Variants in ACSL4 observed in about 807,000 individuals in gnomAD.
ACSL4 encodes acyl-CoA synthetase long chain family member 4.
In ACSL4, 9 loss-of-function variants were observed where a neutral mutation model predicts 49.1. That is an observed-to-expected ratio of 0.18 (90% CI 0.11 to 0.32). ACSL4 has a LOEUF of 0.32. Among genes scored for constraint, ACSL4 ranks in the 10% least tolerant of loss-of-function variants. The pLI is 1.00. For synonymous variants in ACSL4, 191 were observed against 170.3 expected (o/e 1.12, Z -0.95); for missense variants, 333 against 493.7 (o/e 0.67, Z 3.08).
intron 1 of ACSL4, among the ~76,000 whole-genome samples, chrX:109,722,920 T>C (rs1927674193): frequency 8.9e-6 from 1 of 111,909 alleles, no homozygotes; most frequent in Admixed American, 9.6e-5. Context: ...TGTGTGCACA[T>C]GTGCATGCAA....
At chrX:109,674,021 C>T (rs778049570) in intron 9 of ACSL4, among the ~76,000 whole-genome samples, 60 of 111,540 alleles carry the variant, frequency 5.4e-4, no homozygotes, top group Middle Eastern at 4.6e-3. Context: ...ACCTTGTATA[C>T]GATTCTTCAG....
At position 109,643,034 on chromosome X, in the gene ACSL4, A is replaced by T. The variant is rs1178073102; in HGVS notation, c.*995T>A. On this transcript the variant is annotated 3_prime_UTR_variant, in exon 16 of 16. Transcript: ENST00000672401. The stretch of plus-strand genomic sequence containing the variant: ...GAATAAAATCAGCAACAGCAAACAG[A>T]CCTTAAATTACAAATGTAATTTAAT... The T allele has an allele frequency of 8.9e-6, 1 of 112,116 alleles. No individual in the cohort carries two copies. The highest frequency in any genetic ancestry group is 2.8e-4 in the East Asian group (1 of 3,614). The allele number at this position is 112,116 out of a possible 1,213,427, so 9.2% of individuals were successfully genotyped here. A position where few individuals can be genotyped will look rare whatever the true frequency, so the allele number is the denominator to read the frequency against.
chrX:109,722,689 CT>C (rs758474221), intron 1 of ACSL4, among the ~76,000 whole-genome samples: 148 of 101,695 alleles, frequency 1.5e-3, no homozygotes, highest in Admixed American at 1.4e-3. Flanking sequence ...GTGACCATGA[CT>C]TTTTTTTTTT....
rs186685471 is a variant in ACSL4, at chrX:109,650,689, G to T, written c.1856-6503C>A. On this transcript the variant is annotated intron_variant, in intron 15 of 15. Transcript: ENST00000672401. Reference sequence around the variant, plus strand: ...AACTTAAAGTATAATAATAAATAAAGAAATACACAAAAGAGAAGTCCCTTT... The same window carrying T: ...AACTTAAAGTATAATAATAAATAAATAAATACACAAAAGAGAAGTCCCTTT... 5.6e-3 allele frequency among the ~76,000 whole-genome samples: 623 copies of T among 111,412 alleles called. 6 individuals carry two copies. The highest frequency in any genetic ancestry group is 0.017 in the African/African-American group (535 of 30,692).
At chrX:109,728,801 A>C (rs1356630850) in intron 1 of ACSL4, among the ~76,000 whole-genome samples, 1 of 112,253 alleles carries the variant, frequency 8.9e-6, no homozygotes, top group Non-Finnish European at 1.9e-5. Context: ...AATAAACTGG[A>C]CCTCATCCAA....
rs928269754 is a variant in ACSL4 at position 109,704,073 on chromosome X, T to C, written c.-65-7877A>G. 4.5e-5 allele frequency among the ~76,000 whole-genome samples: 5 copies of C among 111,242 alleles called. No homozygotes were observed. In the Admixed American group the frequency reaches 4.8e-4, roughly 11 times the overall value. On this transcript the variant is annotated intron_variant, in intron 1 of 15. Coordinates refer to ENST00000672401, the MANE Select transcript of ACSL4 (RefSeq NM_001318510.2). ...GGGTCATTTTCCCACTTCAAGACTA[T>C]AAAATTATTCCCTCGCATTTCTTAG...
Position 109,669,132 on chromosome X carries a change from G to A in ACSL4, c.1044C>T (p.Val348=). Reference sequence around the variant, plus strand: ...TTTTCTGAATATAATTCATCTCTTGGACTTTGCTCATAACATTCTTATAAA... The same window carrying A: ...TTTTCTGAATATAATTCATCTCTTGAACTTTGCTCATAACATTCTTATAAA... ...DRIYKNVMSK[V]QEMNYIQKTL... The change falls in exon 10 of 16, where the codon GTC becomes GTT. Residue 348 remains valine (V), a synonymous_variant. Coordinates refer to ENST00000672401, the MANE Select transcript of ACSL4 (RefSeq NM_001318510.2). 1 of 1,171,183 alleles carries A rather than the reference G, an allele frequency of 8.5e-7. No individual in the cohort carries two copies. Among genetic ancestry groups the A allele is most frequent in the Non-Finnish European group, 1.2e-6 (1 of 861,440 alleles).
At chrX:109,664,176 T>C (rs1025036928) in intron 12 of ACSL4, among the ~76,000 whole-genome samples, 1 of 110,566 alleles carries the variant, frequency 9.0e-6, no homozygotes, top group Non-Finnish European at 1.9e-5. Context: ...AAAAAAAAAC[T>C]GAGATCATTC....
At chrX:109,666,813 G>T (rs999095369) in intron 11 of ACSL4, among the ~76,000 whole-genome samples, 2 of 112,063 alleles carry the variant, frequency 1.8e-5, no homozygotes, top group Non-Finnish European at 3.8e-5. Flanking sequence ...TACTCAGGAG[G>T]CTAAGGGAAG....
intron 8 of ACSL4, 150 bp downstream of exon 8, chrX:109,677,838 C>A: frequency 1.4e-6 from 1 of 692,328 alleles, no homozygotes; most frequent in Non-Finnish European, 2.3e-6. Flanking sequence ...ACAGGGTAAT[C>A]TCCTATAGCT....
intron 15 of ACSL4, among the ~76,000 whole-genome samples, chrX:109,648,106 C>T (rs1934815980): frequency 8.9e-6 from 1 of 112,013 alleles, no homozygotes; most frequent in Non-Finnish European, 1.9e-5. Context: ...CAAGGAGGAA[C>T]TGATACCATT....
intron 1 of ACSL4, among the ~76,000 whole-genome samples, chrX:109,716,321 C>T (rs183070272): frequency 4.5e-4 from 50 of 112,097 alleles, no homozygotes; most frequent in African/African-American, 1.6e-3. Flanking sequence ...TAATAGTTAC[C>T]CTCTGGAATT....
At chrX:109,695,455 C>T (rs1254059095) in intron 2 of ACSL4, among the ~76,000 whole-genome samples, 2 of 108,803 alleles carry the variant, frequency 1.8e-5, no homozygotes, top group Non-Finnish European at 3.8e-5. Context: ...CGGTGGCTCA[C>T]GCCTGTAATC....
intron 1 of ACSL4, among the ~76,000 whole-genome samples, chrX:109,724,839 G>C (rs775902575): frequency 3.9e-4 from 43 of 110,641 alleles, no homozygotes; most frequent in African/African-American, 1.2e-3. Flanking sequence ...TTGAATCTGT[G>C]AGACGGAGGT....
intron 1 of ACSL4, among the ~76,000 whole-genome samples, chrX:109,705,823 G>C (rs1403854524): frequency 8.9e-6 from 1 of 112,026 alleles, no homozygotes; most frequent in Non-Finnish European, 1.9e-5. Flanking sequence ...TCAGCCTCCC[G>C]TGTAGCTAGG....
intron 15 of ACSL4, among the ~76,000 whole-genome samples, chrX:109,649,534 A>G (rs1252425319): frequency 8.9e-6 from 1 of 112,116 alleles, no homozygotes; most frequent in East Asian, 2.8e-4. Context: ...TTCAAAATGG[A>G]TTAAAGACTT....
chrX:109,733,234 G>C lies in ACSL4; in HGVS notation c.-161C>G, dbSNP rs1176731083. On this transcript the variant is annotated 5_prime_UTR_variant, in exon 1 of 16. Transcript: ENST00000672401. ...CGCGTGCCCGCTAGCGCTGGGACGAGGAGGAGCGCGCGGCGGAGGCCAGAG... is the reference window on the plus strand; with the variant it reads ...CGCGTGCCCGCTAGCGCTGGGACGACGAGGAGCGCGCGGCGGAGGCCAGAG... The C allele has an allele frequency of 3.1e-6, 1 of 321,744 alleles. No individual in the cohort carries two copies. The highest frequency in any genetic ancestry group is 3.2e-5 in the Admixed American group (1 of 31,214). 26.5% of individuals were successfully genotyped at this position (321,744 alleles called of 1,213,427 possible).
chrX:109,711,973 A>G (rs760691624), intron 1 of ACSL4, among the ~76,000 whole-genome samples: 3 of 112,378 alleles, frequency 2.7e-5, no homozygotes, highest in Non-Finnish European at 5.6e-5. Context: ...TATTATGTAG[A>G]AAGGAAACCA....
intron 15 of ACSL4, among the ~76,000 whole-genome samples, chrX:109,650,366 T>C (rs1166583253): frequency 6.4e-5 from 7 of 108,733 alleles, no homozygotes; most frequent in Non-Finnish European, 1.3e-4. Flanking sequence ...GATGAGTTCA[T>C]GTCCTTTGTA....
Sources: gnomAD v4.1 joint callset for allele counts (sites outside exome capture counted in the v4.1 genomes callset) on GRCh38, gnomAD v4.1.1 for gene constraint, MANE v1.5 for transcripts, NCBI Gene and HGNC (gene_info 2026-07-23, HGNC 2026-07-21) for gene names.